Variants in CELF2 observed in about 807,000 individuals in gnomAD.
CELF2 encodes the protein CUG triplet repeat RNA-binding protein 2.
Under a neutral mutation model 62.6 loss-of-function variants are expected in CELF2, and 8 were observed. The ratio of observed to expected loss-of-function variants is 0.13; its 90% confidence interval spans 0.07 to 0.23. The LOEUF (loss-of-function observed/expected upper bound fraction) is 0.23. CELF2 is among the 10% of genes least tolerant of loss of function. CELF2 has a pLI of 1.00. For missense variants in CELF2, 333 were observed against 671.0 expected, an observed-to-expected ratio of 0.50 and a Z score of 5.56; for synonymous variants, 258 against 250.0, an observed-to-expected ratio of 1.03 and a Z score of -0.30.
At chr10:10,891,654 G>T (rs948259619) in intron 1 of CELF2, among the ~76,000 whole-genome samples, 1 of 152,078 alleles carries the variant, frequency 6.6e-6, no homozygotes, top group African/African-American at 2.4e-5. Context: ...TTGACTTCAG[G>T]CCTCGGTTCA....
the CELF2 span, among the ~76,000 whole-genome samples, chr10:10,623,369 A>T: frequency 3.9e-5 from 6 of 152,334 alleles, no homozygotes; most frequent in South Asian, 1.0e-3. Flanking sequence ...CAGAATTATC[A>T]TTTAATTTAC....
the CELF2 span, among the ~76,000 whole-genome samples, chr10:10,676,380 C>A: frequency 6.6e-6 from 1 of 152,148 alleles, no homozygotes; most frequent in Non-Finnish European, 1.5e-5. Context: ...AAAACTCTAG[C>A]ACATTAGACC....
chr10:11,257,555 TGGGA>T, intron 4 of CELF2, 179 bp from the exon 5 acceptor site: 1 of 574,946 alleles, frequency 1.7e-6, no homozygotes, highest in Non-Finnish European at 3.1e-6. Flanking sequence ...AAGCACCAGG[TGGGA>T]GGGAGTGGCA....
In CELF2 at chr10:11,242,931, C is replaced by T. The variant is rs555593293; in HGVS notation, c.355-6222C>T. Among the ~76,000 whole-genome samples the T allele has an allele frequency of 1.3e-5, 2 of 152,266 alleles. No homozygotes were observed. The highest frequency in any genetic ancestry group is 4.1e-4 in the South Asian group (2 of 4,824). On this transcript the variant is annotated intron_variant, in intron 3 of 12. Transcript: ENST00000633077. The surrounding 1 kb of genome is among the most constrained non-coding windows in gnomAD (Gnocchi z 4.8). ...CCTACCAGGGCGACAGGGACGGAGG[C>T]GCCGGTGGCAACTGGTGCTGGGTCA...
chr10:10,754,071 T>G, the CELF2 span, among the ~76,000 whole-genome samples: 1 of 148,582 alleles, frequency 6.7e-6, no homozygotes, highest in African/African-American at 2.5e-5. Context: ...GTTTTTTTTT[T>G]TTTTTTTTTT....
intron 1 of CELF2, among the ~76,000 whole-genome samples, chr10:10,852,969 AC>A (rs2059478184): frequency 6.6e-6 from 1 of 152,162 alleles, no homozygotes; most frequent in Non-Finnish European, 1.5e-5. Context: ...ATATTATTCA[AC>A]TATTAATCAT....
intron 2 of CELF2, among the ~76,000 whole-genome samples, chr10:10,969,290 C>A (rs2050496714): frequency 6.6e-6 from 1 of 152,006 alleles, no homozygotes; most frequent in Non-Finnish European, 1.5e-5. Flanking sequence ...TGGGCAAACC[C>A]CAAAAAGTAT....
the CELF2 span, among the ~76,000 whole-genome samples, chr10:10,651,396 G>A: frequency 2.0e-5 from 3 of 146,528 alleles, no homozygotes; most frequent in African/African-American, 5.0e-5. Flanking sequence ...GCCTGCCTCT[G>A]TAGGCTCCAC....
chr10:10,650,918 G>C, the CELF2 span, among the ~76,000 whole-genome samples: 1 of 152,096 alleles, frequency 6.6e-6, no homozygotes, highest in Non-Finnish European at 1.5e-5. Context: ...CAGCGTGAGC[G>C]ACGCAGAAGA....
rs932273106 is a variant in CELF2 at position 10,983,905 on chromosome 10, G to A, written c.89+63906G>A. ...AATGTAGGTTTTGAAGCTTGCCCTC[G>A]AGGATTTAAAAGACAGCATTGCAAT... On this transcript the variant is annotated intron_variant, in intron 2 of 13. Transcript: ENST00000636488. The surrounding 1 kb of genome is among the most constrained non-coding windows in gnomAD (Gnocchi z 5.2). Among the ~76,000 whole-genome samples, 1 of 152,122 alleles carries A rather than the reference G, an allele frequency of 6.6e-6. No homozygotes were observed. Among genetic ancestry groups the A allele is most frequent in the Non-Finnish European group, 1.5e-5 (1 of 68,030 alleles).
At chr10:11,266,905 C>T (rs1323988533) in intron 6 of CELF2, among the ~76,000 whole-genome samples, 1 of 152,216 alleles carries the variant, frequency 6.6e-6, no homozygotes, top group Non-Finnish European at 1.5e-5. Flanking sequence ...TCCACTTGCT[C>T]TCCAGTTATT....
chr10:10,959,009 C>A (rs1184992154), intron 2 of CELF2, among the ~76,000 whole-genome samples: 2 of 152,118 alleles, frequency 1.3e-5, no homozygotes, highest in Non-Finnish European at 2.9e-5. Flanking sequence ...GTAATCCCAG[C>A]ACTTTGGGAG....
At chr10:11,197,002 G>A (rs1003926229) in intron 2 of CELF2, among the ~76,000 whole-genome samples, 1 of 13,858 alleles carries the variant, frequency 7.2e-5, no homozygotes, top group Non-Finnish European at 1.4e-4. Flanking sequence ...AGGAAGGAAG[G>A]AGAAAGAAAG....
the CELF2 span, among the ~76,000 whole-genome samples, chr10:10,562,324 G>T: frequency 6.6e-6 from 1 of 152,168 alleles, no homozygotes; most frequent in Non-Finnish European, 1.5e-5. Flanking sequence ...TCAATGAAGA[G>T]CCAAAGGGAT....
In CELF2 at chr10:11,212,623, G is replaced by A. The variant is rs75657674; in HGVS notation, c.272-4802G>A. Among the ~76,000 whole-genome samples the A allele has an allele frequency of 3.4e-3, 510 of 152,164 alleles. 15 individuals are homozygous for A. The East Asian group carries it at 0.089, about 27-fold the overall frequency. The stretch of plus-strand genomic sequence containing the variant: ...ATTTGGTTCTGGGCTCACCTCTCCC[G>A]AGTTTTCCATTGGACCTGATGGACC... On this transcript the variant is annotated intron_variant, in intron 2 of 12. Transcript: ENST00000633077.
At position 11,306,744 on chromosome 10, in the gene CELF2, C is replaced by A. The variant is rs1165492855; in HGVS notation, c.977-7395C>A. Reference sequence around the variant, plus strand: ...TTAGTCTCATGCTTGATTCTTCTCCCTCCTTTTCTTCACCGTCTCCCCAAC... The same window carrying A: ...TTAGTCTCATGCTTGATTCTTCTCCATCCTTTTCTTCACCGTCTCCCCAAC... On this transcript the variant is annotated intron_variant, in intron 9 of 12. Transcript: ENST00000633077. The surrounding 1 kb of genome is among the most constrained non-coding windows in gnomAD (Gnocchi z 4.4). Among the ~76,000 whole-genome samples, 1 of 152,110 alleles carries A rather than the reference C, an allele frequency of 6.6e-6. No homozygotes were observed. Among genetic ancestry groups the A allele is most frequent in the African/African-American group, 2.4e-5 (1 of 41,414 alleles).
intron 1 of CELF2, among the ~76,000 whole-genome samples, chr10:10,834,363 G>A (rs9633777): frequency 0.62 from 93,770 of 151,962 alleles, 30,615 homozygotes; most frequent in East Asian, 0.95. Context: ...AATGGGTACC[G>A]GGCTTAACAC....
At chr10:10,913,546 A>G (rs1320438510) in intron 1 of CELF2, among the ~76,000 whole-genome samples, 1 of 133,200 alleles carries the variant, frequency 7.5e-6, no homozygotes, top group Non-Finnish European at 1.5e-5. Flanking sequence ...ATGTGCCACT[A>G]CGCCCAGCTA....
At chr10:11,174,136 G>T (rs1321516388) in intron 2 of CELF2, among the ~76,000 whole-genome samples, 1 of 152,132 alleles carries the variant, frequency 6.6e-6, no homozygotes, top group East Asian at 1.9e-4. Context: ...GTCTTCAAAT[G>T]TTTCTACATT....
Sources: gnomAD v4.1 joint callset for allele counts (sites outside exome capture counted in the v4.1 genomes callset) on GRCh38, gnomAD v4.1.1 for gene constraint, Gnocchi (gnomAD v3.1) non-coding constraint, MANE v1.5 for transcripts, NCBI Gene and HGNC (gene_info 2026-07-23, HGNC 2026-07-21) for gene names.